ACYP2: variants seen among roughly 807,000 people sequenced by gnomAD.
ACYP2 encodes the protein acylphosphatase 2, also known as acylphosphatase-2.
ACYP2 carries 12 observed loss-of-function variants against 11.2 expected under a neutral mutation model. The observed-to-expected ratio is 1.08, with a 90% CI of 0.69 to 1.74. The LOEUF is 1.74. Among genes scored for constraint, ACYP2 ranks in the 40% most tolerant of loss-of-function variants. The probability of loss-of-function intolerance (pLI) is 0.00; values close to 1 mark genes in which losing one functional copy is unlikely to be tolerated. For synonymous variants in ACYP2, 43 were observed against 32.2 expected (o/e 1.33, Z -1.13); for missense variants, 134 against 101.9 (o/e 1.31, Z -1.35).
At chr2:54,148,684 T>C (rs1682011288) in intron 6 of ACYP2, among the ~76,000 whole-genome samples, 2 of 152,114 alleles carry the variant, frequency 1.3e-5, no homozygotes, top group South Asian at 4.1e-4. Context: ...CAGGGAGAAG[T>C]TGTGTAATGA....
chr2:54,301,394 C>T (rs72901535), intron 6 of ACYP2, among the ~76,000 whole-genome samples: 1 of 152,104 alleles, frequency 6.6e-6, no homozygotes, highest in Non-Finnish European at 1.5e-5. Flanking sequence ...ATTCCCTTCT[C>T]CCTTTATATA....
intron 4 of ACYP2, among the ~76,000 whole-genome samples, chr2:54,122,897 A>C (rs570727289): frequency 5.9e-5 from 9 of 152,316 alleles, no homozygotes; most frequent in South Asian, 2.1e-4. Flanking sequence ...TGTCAAGACA[A>C]AGAGTAAAGC....
At chr2:54,304,302 G>T (rs1046690259) in intron 6 of ACYP2, among the ~76,000 whole-genome samples, 2 of 151,604 alleles carry the variant, frequency 1.3e-5, no homozygotes, top group Non-Finnish European at 2.9e-5. Flanking sequence ...CATCTACCAC[G>T]TGCTGAGTAA....
At chr2:54,198,510 T>C (rs375524914) in intron 6 of ACYP2, among the ~76,000 whole-genome samples, 1 of 151,616 alleles carries the variant, frequency 6.6e-6, no homozygotes, top group Non-Finnish European at 1.5e-5. Context: ...AAGAGAGTAC[T>C]ATTAAAGGTA....
intron 4 of ACYP2, among the ~76,000 whole-genome samples, chr2:54,128,723 T>C (rs987641194): frequency 6.6e-5 from 10 of 152,076 alleles, no homozygotes; most frequent in South Asian, 6.2e-4. Flanking sequence ...TTTTCCCCCC[T>C]TTTTTAAAAA....
chr2:54,182,204 C>T (rs1434906046), intron 6 of ACYP2, among the ~76,000 whole-genome samples: 3 of 151,422 alleles, frequency 2.0e-5, no homozygotes, highest in Non-Finnish European at 2.9e-5. Context: ...GGATTACAGG[C>T]GCCCGCCACC....
intron 6 of ACYP2, among the ~76,000 whole-genome samples, chr2:54,181,260 T>C (rs1311744866): frequency 2.1e-4 from 32 of 152,074 alleles, no homozygotes; most frequent in Non-Finnish European, 1.3e-4. Context: ...ATAAACAGGA[T>C]GATGAAAGAC....
At chr2:54,184,499 A>G (rs1683885992) in intron 6 of ACYP2, among the ~76,000 whole-genome samples, 1 of 152,142 alleles carries the variant, frequency 6.6e-6, no homozygotes, top group Non-Finnish European at 1.5e-5. Flanking sequence ...TGCTTAAGCT[A>G]GTTTAAACTA....
chr2:54,141,305 C>G (rs535289360), intron 6 of ACYP2, among the ~76,000 whole-genome samples: 2 of 152,150 alleles, frequency 1.3e-5, no homozygotes, highest in African/African-American at 4.8e-5. Flanking sequence ...TTTTTATTAA[C>G]TCAAATATGG....
chr2:54,240,454 T>G (rs529119938), intron 6 of ACYP2, among the ~76,000 whole-genome samples: 9 of 152,312 alleles, frequency 5.9e-5, no homozygotes, highest in African/African-American at 2.2e-4. Flanking sequence ...GGAGAACTCA[T>G]TCTTCTCTAC....
chr2:54,154,427 A>G (rs951425443), intron 6 of ACYP2, among the ~76,000 whole-genome samples: 3 of 152,150 alleles, frequency 2.0e-5, no homozygotes, highest in East Asian at 3.8e-4. Flanking sequence ...TGGGCTTTTC[A>G]TATATGGCCT....
At chr2:54,130,797 A>C (rs1264109316) in intron 4 of ACYP2, among the ~76,000 whole-genome samples, 1 of 152,130 alleles carries the variant, frequency 6.6e-6, no homozygotes, top group African/African-American at 2.4e-5. Context: ...CTGATCTCAA[A>C]CCTCGGGCCT....
At chr2:54,304,218 C>CTGTGTGTG (rs10531789) in intron 6 of ACYP2, among the ~76,000 whole-genome samples, 33 of 149,374 alleles carry the variant, frequency 2.2e-4, no homozygotes, top group Admixed American at 8.0e-4. Flanking sequence ...ATATATATGT[C>CTGTGTGTG]TGTGTGTGTG....
chr2:54,034,535 G>C lies in ACYP2; in HGVS notation c.63-16423G>C, dbSNP rs184735180. ...ATAGTCTATCCCCTATCACCTGGAT[G>C]TGTAGTAGGCTATACCATCTAGGTT... On this transcript the variant is annotated intron_variant, in intron 2 of 6. Coordinates refer to ENST00000607452, the MANE Select transcript of ACYP2 (RefSeq NM_001320586.2). Among the ~76,000 whole-genome samples, 28 of 152,312 alleles carry C rather than the reference G, an allele frequency of 1.8e-4. No individual in the cohort carries two copies. The South Asian group carries it at 5.6e-3, about 30-fold the overall frequency.
intron 6 of ACYP2, among the ~76,000 whole-genome samples, chr2:54,154,562 T>A (rs1327226112): frequency 4.6e-5 from 7 of 152,244 alleles, no homozygotes; most frequent in African/African-American, 1.7e-4. Context: ...TCTGTTAATA[T>A]GGTGTTCTCC....
At chr2:54,003,874 T>C (rs1672924942) in intron 2 of ACYP2, among the ~76,000 whole-genome samples, 2 of 152,256 alleles carry the variant, frequency 1.3e-5, no homozygotes, top group South Asian at 2.1e-4. Context: ...AGAGTTTCTG[T>C]TGATCTAGCT....
chr2:54,094,447 TC>T (rs1187842522), intron 4 of ACYP2, among the ~76,000 whole-genome samples: 1 of 152,122 alleles, frequency 6.6e-6, no homozygotes, highest in Admixed American at 6.6e-5. Flanking sequence ...CAGGCTGGTC[TC>T]GAACTCCTGA....
intron 2 of ACYP2, among the ~76,000 whole-genome samples, chr2:54,026,071 C>T (rs778337377): frequency 1.3e-5 from 2 of 152,076 alleles, no homozygotes; most frequent in Non-Finnish European, 2.9e-5. Flanking sequence ...GAGCTGAGAT[C>T]GCACCACTGC....
chr2:54,032,468 C>G (rs1674634568), intron 2 of ACYP2, among the ~76,000 whole-genome samples: 1 of 152,112 alleles, frequency 6.6e-6, no homozygotes, highest in Non-Finnish European at 1.5e-5. Context: ...GGGCTCTTTT[C>G]TGTTCCATTG....
Sources: gnomAD v4.1 joint callset for allele counts (sites outside exome capture counted in the v4.1 genomes callset) on GRCh38, gnomAD v4.1.1 for gene constraint, MANE v1.5 for transcripts, NCBI Gene and HGNC (gene_info 2026-07-23, HGNC 2026-07-21) for gene names.